Variants in B4GALT1 observed in about 807,000 individuals in gnomAD.
The protein encoded by B4GALT1 is beta-1,4-galactosyltransferase 1, also known as N-acetyllactosamine synthase.
Under a neutral mutation model 34.9 loss-of-function variants are expected in B4GALT1, and 16 were observed. The ratio of observed to expected loss-of-function variants is 0.46; its 90% CI spans 0.31 to 0.70. B4GALT1 has a LOEUF of 0.70. Among genes scored for constraint, B4GALT1 ranks in the 30% least tolerant of loss-of-function variants. B4GALT1 has a pLI of 0.05. For missense variants in B4GALT1, 445 were observed against 530.5 expected (o/e 0.84, Z 1.58); for synonymous variants, 221 against 218.1 (o/e 1.01, Z -0.12).
intron 2 of B4GALT1, among the ~76,000 whole-genome samples, chr9:33,122,914 C>T (rs371353718): frequency 3.4e-4 from 52 of 152,156 alleles, no homozygotes; most frequent in African/African-American, 1.3e-3. Flanking sequence ...GAGGCTGAGG[C>T]GGGCAGATCA....
At chr9:33,184,189 A>AAAAAAG in the B4GALT1 span, among the ~76,000 whole-genome samples, 51 of 152,112 alleles carry the variant, frequency 3.4e-4, no homozygotes, top group African/African-American at 1.2e-3. Flanking sequence ...AAGGAAATAT[A>AAAAAAG]AAAAAGAAAA....
intron 2 of B4GALT1, among the ~76,000 whole-genome samples, chr9:33,130,895 A>T (rs1228696848): frequency 6.6e-6 from 1 of 152,106 alleles, no homozygotes; most frequent in Non-Finnish European, 1.5e-5. Context: ...AGGCAGAGGA[A>T]GCAGGCAGAG....
At chr9:33,179,145 C>T in the B4GALT1 span, among the ~76,000 whole-genome samples, 3 of 152,212 alleles carry the variant, frequency 2.0e-5, no homozygotes, top group African/African-American at 7.2e-5. Context: ...TCATATTCTG[C>T]CTCTAGTGGG....
intron 3 of B4GALT1, among the ~76,000 whole-genome samples, chr9:33,116,677 C>A (rs1016092924): frequency 6.6e-6 from 1 of 152,018 alleles, no homozygotes; most frequent in Non-Finnish European, 1.5e-5. Flanking sequence ...CGTGTGCCAC[C>A]ACACCTGGCT....
rs998717684 is a variant in B4GALT1, at chr9:33,133,146, G to A, written c.648+2043C>T. On this transcript the variant is annotated intron_variant, in intron 2 of 5. Transcript: ENST00000379731. The stretch of plus-strand genomic sequence containing the variant: ...TTGAACTCCTGACTTCAAGTGATCC[G>A]CCTGCCTTGGCCTCCCAAAGTGCTG... 6.6e-5 allele frequency among the ~76,000 whole-genome samples: 10 copies of A among 152,058 alleles called. No individual in the cohort carries two copies. The South Asian group carries it at 8.3e-4, about 13-fold the overall frequency.
rs549078663 is a variant in B4GALT1 at position 33,152,316 on chromosome 9, T to A, written c.412+14442A>T. ...AAGACTCCCTCTCCAAAAAATAACA[T>A]AACATAACATAACATAACATAACAT... On this transcript the variant is annotated intron_variant, in intron 1 of 5. Transcript: ENST00000379731. Among the ~76,000 whole-genome samples the A allele has an allele frequency of 4.1e-5, 4 of 96,404 alleles. No homozygotes were observed. In the East Asian group the frequency reaches 2.1e-3, roughly 51 times the overall value. The allele number at this position is 96,404 out of a possible 152,430, so 63.2% of individuals were successfully genotyped here. A position where few individuals can be genotyped will look rare whatever the true frequency, so the allele number is the denominator to read the frequency against.
At chr9:33,119,904 G>T (rs1437254691) in intron 3 of B4GALT1, among the ~76,000 whole-genome samples, 3 of 152,140 alleles carry the variant, frequency 2.0e-5, no homozygotes, top group Non-Finnish European at 4.4e-5. Context: ...CTGTTCTTAG[G>T]CCAGGCATGG....
chr9:33,145,250 G>A (rs929555620), intron 1 of B4GALT1, among the ~76,000 whole-genome samples: 3 of 152,116 alleles, frequency 2.0e-5, no homozygotes, highest in African/African-American at 7.2e-5. Flanking sequence ...CAGGCTCTAG[G>A]CCTAGCATCT....
chr9:33,148,804 T>TAA lies in B4GALT1; in HGVS notation c.413-13382_413-13381dup, dbSNP rs72391353. On this transcript the variant is annotated intron_variant, in intron 1 of 5. Coordinates refer to ENST00000379731, the MANE Select transcript of B4GALT1 (RefSeq NM_001497.4). ...TGGAACTTCTTGCTGTGCCTAAAAG[T>TAA]AAAAAAAAAAAAAAAAATGCTCAAA... Among the ~76,000 whole-genome samples the TAA allele has an allele frequency of 9.8e-4, 125 of 127,722 alleles. 7 individuals are homozygous for TAA. Among genetic ancestry groups the TAA allele is most frequent in the East Asian group, 1.7e-3 (8 of 4,588 alleles). The allele number at this position is 127,722 out of a possible 152,430, so 83.8% of individuals were successfully genotyped here. A position where few individuals can be genotyped will look rare whatever the true frequency, so the allele number is the denominator to read the frequency against.
At chr9:33,139,609 T>C (rs1175062481) in intron 1 of B4GALT1, among the ~76,000 whole-genome samples, 1 of 152,228 alleles carries the variant, frequency 6.6e-6, no homozygotes, top group Non-Finnish European at 1.5e-5. Context: ...CCTGCCATAC[T>C]GCAGGGACCA....
Position 33,166,759 on chromosome 9 carries a change from A to G in B4GALT1, c.411T>C (p.Leu137=). 6.6e-7 allele frequency: 1 copy of G among 1,505,472 alleles called. No individual in the cohort carries two copies. Among genetic ancestry groups the G allele is most frequent in the Non-Finnish European group, 8.8e-7 (1 of 1,134,052 alleles). 93.3% of individuals were successfully genotyped at this position (1,505,472 alleles called of 1,614,324 possible). A position where few individuals can be genotyped will look rare whatever the true frequency, so the allele number is the denominator to read the frequency against. ...ACTGGCGCCGACCCGAGTCCTTACC[A>G]AGCAGCGGGGACTCCTCAGGGCAGG... ...LPACPEESPL[L]VGPMLIEFNM... is the part of the protein sequence containing the mutation. The change falls in exon 1 of 6, where the codon CTT becomes CTC. Residue 137 remains leucine (L), a splice_region_variant and synonymous_variant. Coordinates refer to ENST00000379731, the MANE Select transcript of B4GALT1 (RefSeq NM_001497.4).
At chr9:33,128,766 C>G (rs904908473) in intron 2 of B4GALT1, among the ~76,000 whole-genome samples, 1 of 151,938 alleles carries the variant, frequency 6.6e-6, no homozygotes, top group Non-Finnish European at 1.5e-5. Context: ...AGATAGAAAC[C>G]AAACCAATGA....
chr9:33,114,412 G>C (rs1385338135), intron 4 of B4GALT1, among the ~76,000 whole-genome samples: 1 of 152,236 alleles, frequency 6.6e-6, no homozygotes, highest in African/African-American at 2.4e-5. Flanking sequence ...GTCTGGGGTA[G>C]GACGTGGCAG....
chr9:33,105,919 A>G (rs1188772579), downstream of B4GALT1, among the ~76,000 whole-genome samples: 1 of 118,706 alleles, frequency 8.4e-6, no homozygotes, highest in Non-Finnish European at 1.6e-5. Flanking sequence ...TGTGAATAAT[A>G]GTGCTAGGAA....
Position 33,161,179 on chromosome 9 carries a change from C to G in B4GALT1, c.412+5579G>C, listed in dbSNP as rs141094812. On this transcript the variant is annotated intron_variant, in intron 1 of 5. Transcript: ENST00000379731. ...TCAGCAACAGCCAATTATATAGCCCCTGGCCTTCATTTGTGCAGGGAAGGG... is the reference window on the plus strand; with the variant it reads ...TCAGCAACAGCCAATTATATAGCCCGTGGCCTTCATTTGTGCAGGGAAGGG... Among the ~76,000 whole-genome samples, 686 of 152,286 alleles carry G rather than the reference C, an allele frequency of 4.5e-3. 8 individuals carry two copies. Among genetic ancestry groups the G allele is most frequent in the African/African-American group, 0.016 (647 of 41,552 alleles).
rs372572914 is a variant in B4GALT1, at chr9:33,166,719, G to A, written c.412+39C>T. Reference sequence around the variant, plus strand: ...GGACCCTGTCGGGGAAATCCGGGGGGGTCCCAATCCTCCGACTGGCGCCGA... The same window carrying A: ...GGACCCTGTCGGGGAAATCCGGGGGAGTCCCAATCCTCCGACTGGCGCCGA... On this transcript the variant is annotated intron_variant, in intron 1 of 5. Transcript: ENST00000379731. The A allele has an allele frequency of 2.6e-4, 386 of 1,480,100 alleles. No homozygotes were observed. In the African/African-American group the frequency reaches 5.0e-3, roughly 19 times the overall value. 91.7% of individuals were successfully genotyped at this position (1,480,100 alleles called of 1,614,324 possible).
chr9:33,109,240 A>G (rs1298926815), downstream of B4GALT1, among the ~76,000 whole-genome samples: 2 of 152,230 alleles, frequency 1.3e-5, no homozygotes, highest in Non-Finnish European at 2.9e-5. Context: ...CCAGAAGGAC[A>G]GGGTCAGATG....
At chr9:33,118,054 T>C (rs949890730) in intron 3 of B4GALT1, among the ~76,000 whole-genome samples, 1 of 152,172 alleles carries the variant, frequency 6.6e-6, no homozygotes, top group African/African-American at 2.4e-5. Context: ...CACGGGCCCC[T>C]TCCTTGTTCA....
intron 1 of B4GALT1, among the ~76,000 whole-genome samples, chr9:33,140,885 C>T (rs1368052895): frequency 3.3e-5 from 5 of 152,254 alleles, no homozygotes; most frequent in African/African-American, 1.2e-4. Flanking sequence ...CCTTGAGGCC[C>T]CTTGGGCTAG....
Sources: gnomAD v4.1 joint callset for allele counts (sites outside exome capture counted in the v4.1 genomes callset) on GRCh38, gnomAD v4.1.1 for gene constraint, MANE v1.5 for transcripts, NCBI Gene and HGNC (gene_info 2026-07-23, HGNC 2026-07-21) for gene names.